The following INMT variants were observed in gnomAD, a reference collection of about 807,000 sequenced individuals.
INMT encodes the protein indolethylamine N-methyltransferase, also known as amine N-methyltransferase.
In INMT, 11 loss-of-function variants were observed where a neutral mutation model predicts 11.5. The observed-to-expected ratio is 0.95, with a 90% confidence interval of 0.60 to 1.58. INMT has a LOEUF of 1.58. Among genes scored for constraint, INMT ranks in the 40% most tolerant of loss-of-function variants. INMT has a pLI of 0.00. For synonymous variants in INMT, 155 were observed against 142.9 expected (o/e 1.08, Z -0.60); for missense variants, 316 against 336.1 (o/e 0.94, Z 0.47).
chr7:30,755,779 G>C lies in INMT; in HGVS notation c.720G>C (p.Gln240His), dbSNP rs1355183880. 6 of 1,614,186 alleles carry C rather than the reference G, an allele frequency of 3.7e-6. No individual in the cohort carries two copies. The highest frequency in any genetic ancestry group is 4.5e-5 in the East Asian group (2 of 44,882). The change falls in exon 3 of 3, where the codon CAG becomes CAC. Residue 240 changes from glutamine to histidine, a missense_variant. Gln to His is a conservative substitution (Grantham distance 24). Coordinates refer to ENST00000013222, the MANE Select transcript of INMT (RefSeq NM_006774.5). ...FDIEQLLHSP[Q>H]SYSVTNAANN... ...TTGAACAGCTCCTACACAGTCCCCA[G>C]AGCTACTCTGTCACCAATGCTGCCA...
At position 30,755,451 on chromosome 7, in the gene INMT, T is replaced by C. The variant is rs1418882731; in HGVS notation, c.392T>C (p.Leu131Pro). Residue 131 changes from leucine to proline, a missense_variant, in exon 3 of 3, where the codon CTG becomes CCG. Physicochemically the swap from Leu to Pro is moderately conservative, Grantham distance 98 (BLOSUM62 -3). Transcript: ENST00000013222. The part of the protein sequence containing the change: ...SGRWEEKEEK[L>P]RAAVKRVLKC... ...CGATGGGAGGAGAAGGAGGAGAAGCTGCGGGCAGCGGTGAAGCGGGTGCTC... is the reference window on the plus strand; with the variant it reads ...CGATGGGAGGAGAAGGAGGAGAAGCCGCGGGCAGCGGTGAAGCGGGTGCTC... 1 of 1,599,196 alleles carries C rather than the reference T, an allele frequency of 6.3e-7. No individual in the cohort carries two copies. The highest frequency in any genetic ancestry group is 8.5e-7 in the Non-Finnish European group (1 of 1,179,550).
chr7:30,753,703 A>G (rs768725660), intron 1 of INMT, 28 bp from the exon 2 acceptor site: 13 of 1,602,700 alleles, frequency 8.1e-6, no homozygotes, highest in East Asian at 4.5e-5. Flanking sequence ...TCTTTTACCC[A>G]TCCATTACCA....
At position 30,754,238 on chromosome 7, in the gene INMT, CT is replaced by C. The variant is rs1786166547; in HGVS notation, c.362+301del. On this transcript the variant is annotated intron_variant, in intron 2 of 2. Transcript: ENST00000013222. The surrounding 1 kb of genome is among the most constrained non-coding windows in gnomAD (Gnocchi z 4.9). ...TCCTTCCTTACCCTCATCTATATAT[CT>C]ACCTCTCTATCTTCTATGTATCTAA... is the stretch of plus-strand genomic sequence containing the variant. Among the ~76,000 whole-genome samples the C allele has an allele frequency of 1.3e-5, 2 of 152,148 alleles. No homozygotes were observed. The highest frequency in any genetic ancestry group is 4.8e-5 in the African/African-American group (2 of 41,422).
chr7:30,755,653 G>A lies in INMT; in HGVS notation c.594G>A (p.Thr198=), dbSNP rs1398198382. 4.3e-6 allele frequency: 7 copies of A among 1,614,186 alleles called. No individual in the cohort carries two copies. The highest frequency in any genetic ancestry group is 3.3e-5 in the Admixed American group (2 of 60,018). Residue 198 remains threonine, a synonymous_variant, in exon 3 of 3, where the codon ACG becomes ACA. Transcript: ENST00000013222. ...KPGGHLVTTV[T]LRLPSYMVGK... ...GTGGCCACCTGGTGACCACTGTCAC[G>A]CTTCGGCTCCCGTCCTACATGGTGG...
chr7:30,755,402 C>T lies in INMT; in HGVS notation c.363-20C>T. 3.9e-6 allele frequency: 6 copies of T among 1,555,922 alleles called. No homozygotes were observed. The highest frequency in any genetic ancestry group is 1.7e-4 in the Middle Eastern group (1 of 5,964). On this transcript the variant is annotated intron_variant, in intron 2 of 2. Transcript: ENST00000013222. ...TCAGAACCTCAAAGGGCCTCCCCGA[C>T]TCCCTCTCTCTCTCTGCAGCGGCCG...
In INMT at chr7:30,753,841, C is replaced by T. The variant is rs763375449; in HGVS notation, c.265C>T (p.Arg89Cys). 17 of 1,614,062 alleles carry T rather than the reference C, an allele frequency of 1.1e-5. No individual in the cohort carries two copies. Among genetic ancestry groups the T allele is most frequent in the East Asian group, 4.5e-5 (2 of 44,898 alleles). Reference sequence around the variant, plus strand: ...CATCACTCTCTCCGACTTTACCGACCGCAACCGGGAGGAGCTGGAAAAGTG... The same window carrying T: ...CATCACTCTCTCCGACTTTACCGACTGCAACCGGGAGGAGCTGGAAAAGTG... ...QDITLSDFTDRNREELEKWLK... is the reference protein window; with the variant it reads ...QDITLSDFTDCNREELEKWLK... The change falls in exon 2 of 3, where the codon CGC (arginine) becomes TGC (cysteine). Residue 89 changes from arginine to cysteine, a missense_variant. Physicochemically the swap from Arg to Cys is radical, Grantham distance 180. Coordinates refer to ENST00000013222, the MANE Select transcript of INMT (RefSeq NM_006774.5).
chr7:30,755,915 G>A lies in INMT; in HGVS notation c.*64G>A, dbSNP rs370765580. ...GCCTTGGCCATCTGTATGCTAGAGAGGGGTGAGGAATGGATACTGTCTAAC... is the reference window on the plus strand; with the variant it reads ...GCCTTGGCCATCTGTATGCTAGAGAAGGGTGAGGAATGGATACTGTCTAAC... On this transcript the variant is annotated 3_prime_UTR_variant, in exon 3 of 3. Transcript: ENST00000013222. The A allele has an allele frequency of 1.3e-3, 1,935 of 1,536,222 alleles. 22 individuals carry two copies. The highest frequency in any genetic ancestry group is 0.011 in the South Asian group (854 of 81,020).
intron 1 of INMT, 72 bp from the exon 2 acceptor site, chr7:30,753,659 T>C (rs934972268): frequency 2.9e-6 from 4 of 1,376,458 alleles, no homozygotes; most frequent in South Asian, 2.4e-5. Flanking sequence ...CCAGGGTGTG[T>C]GTCCTCATCC....
At chr7:30,753,093 G>C (rs1786127896) in intron 1 of INMT, among the ~76,000 whole-genome samples, 1 of 152,194 alleles carries the variant, frequency 6.6e-6, no homozygotes, top group South Asian at 2.1e-4. Context: ...GGAAGGCCAA[G>C]TGATGGCCCC....
chr7:30,757,361 G>T lies in INMT; in HGVS notation c.*1510G>T. ...GGGCACACTGGCGCCCAGTAAGAGA[G>T]AGAGAGAGCCAAAGCTGTCCGTTTT... On this transcript the variant is annotated 3_prime_UTR_variant, in exon 3 of 3. Transcript: ENST00000013222. 4.1e-6 allele frequency: 1 copy of T among 241,964 alleles called. No individual in the cohort carries two copies. The highest frequency in any genetic ancestry group is 4.9e-5 in the South Asian group (1 of 20,400). The allele number at this position is 241,964 out of a possible 1,614,324, so 15.0% of individuals were successfully genotyped here. A position where few individuals can be genotyped will look rare whatever the true frequency, so the allele number is the denominator to read the frequency against.
chr7:30,752,394 C>A, intron 1 of INMT, 90 bp downstream of exon 1: 1 of 1,116,724 alleles, frequency 9.0e-7, no homozygotes, highest in East Asian at 2.4e-5. Flanking sequence ...AGTCTGGTCT[C>A]CTCTAGGGGT....
At chr7:30,753,706 C>A in intron 1 of INMT, 25 bp from the exon 2 acceptor site, 1 of 1,604,006 alleles carries the variant, frequency 6.2e-7, no homozygotes, top group East Asian at 2.2e-5. Flanking sequence ...TTTACCCATC[C>A]ATTACCAGTC....
rs1225137664 is a variant in INMT at position 30,754,476 on chromosome 7, TC to T, written c.362+540del. Among the ~76,000 whole-genome samples, 3 of 151,278 alleles carry T rather than the reference TC, an allele frequency of 2.0e-5. No individual in the cohort carries two copies. Among genetic ancestry groups the T allele is most frequent in the Admixed American group, 6.6e-5 (1 of 15,206 alleles). On this transcript the variant is annotated intron_variant, in intron 2 of 2. Coordinates refer to ENST00000013222, the MANE Select transcript of INMT (RefSeq NM_006774.5). The surrounding 1 kb of genome is among the most constrained non-coding windows in gnomAD (Gnocchi z 4.9). ...ATCCATCCACCCACCCATCCATTCA[TC>T]CATCCATATCCATCCATCCATCCAT... is the stretch of plus-strand genomic sequence containing the variant.
Position 30,756,116 on chromosome 7 carries a change from A to T in INMT, c.*265A>T. On this transcript the variant is annotated 3_prime_UTR_variant, in exon 3 of 3. Coordinates refer to ENST00000013222, the MANE Select transcript of INMT (RefSeq NM_006774.5). ...TTAGATGCGATCTGACTCCTGTGTG[A>T]CTGTGGAGCACCCAGGGACGTGGTT... 1 of 1,254,270 alleles carries T rather than the reference A, an allele frequency of 8.0e-7. No homozygotes were observed. Among genetic ancestry groups the T allele is most frequent in the Non-Finnish European group, 1.0e-6 (1 of 996,850 alleles). 77.7% of individuals were successfully genotyped at this position (1,254,270 alleles called of 1,614,324 possible). A position where few individuals can be genotyped will look rare whatever the true frequency, so the allele number is the denominator to read the frequency against.
rs984981631 is a variant in INMT, at chr7:30,754,864, C to T, written c.363-558C>T. 4.6e-5 allele frequency among the ~76,000 whole-genome samples: 7 copies of T among 152,340 alleles called. No homozygotes were observed. The highest frequency in any genetic ancestry group is 8.8e-5 in the Non-Finnish European group (6 of 68,036). On this transcript the variant is annotated intron_variant, in intron 2 of 2. Coordinates refer to ENST00000013222, the MANE Select transcript of INMT (RefSeq NM_006774.5). This position sits in a 1 kb window ranked among gnomAD's most constrained non-coding sequence, Gnocchi z 4.9. ...GACTCCTTGCCTCTGCCTTTCCCAA[C>T]CTCGGGTAATCACTAATATGGATTT...
rs1417810542 is a variant in INMT at position 30,754,195 on chromosome 7, ATCTCTTCCTTCT to A, written c.362+269_362+280del. On this transcript the variant is annotated intron_variant, in intron 2 of 2. Coordinates refer to ENST00000013222, the MANE Select transcript of INMT (RefSeq NM_006774.5). The surrounding 1 kb of genome is among the most constrained non-coding windows in gnomAD (Gnocchi z 4.9). The stretch of plus-strand genomic sequence containing the variant: ...GAACACTGAAAACCAGATGATTTTC[ATCTCTTCCTTCT>A]TCTCTTCCTTCCTTACCCTCATCTA... Among the ~76,000 whole-genome samples, 1 of 152,132 alleles carries A rather than the reference ATCTCTTCCTTCT, an allele frequency of 6.6e-6. No homozygotes were observed. Among genetic ancestry groups the A allele is most frequent in the African/African-American group, 2.4e-5 (1 of 41,406 alleles).
At chr7:30,752,933 C>G (rs758854392) in intron 1 of INMT, among the ~76,000 whole-genome samples, 1 of 152,216 alleles carries the variant, frequency 6.6e-6, no homozygotes, top group African/African-American at 2.4e-5. Context: ...GCCGTGTCCT[C>G]ACTTTAGGCA....
intron 1 of INMT, 93 bp from the exon 2 acceptor site, chr7:30,753,638 C>G: frequency 4.2e-6 from 5 of 1,186,120 alleles, no homozygotes; most frequent in Non-Finnish European, 6.2e-6. Context: ...ACGTTTGCCC[C>G]TTGGGTAAGA....
chr7:30,756,657 T>C lies in INMT; in HGVS notation c.*806T>C, dbSNP rs7787251. Reference sequence around the variant, plus strand: ...TCCTGACCTGGTGATCCACCCACCTTGGCCTCCCAAAGTGCTGGGATTACA... The same window carrying C: ...TCCTGACCTGGTGATCCACCCACCTCGGCCTCCCAAAGTGCTGGGATTACA... On this transcript the variant is annotated 3_prime_UTR_variant, in exon 3 of 3. Transcript: ENST00000013222. 135,396 of 152,074 alleles carry C rather than the reference T, an allele frequency of 0.89. 60,393 individuals are homozygous for C. The highest frequency in any genetic ancestry group is 0.92 in the Admixed American group (14,055 of 15,262). 9.4% of individuals were successfully genotyped at this position (152,074 alleles called of 1,614,324 possible). A position where few individuals can be genotyped will look rare whatever the true frequency, so the allele number is the denominator to read the frequency against.
Sources: gnomAD v4.1 joint callset for allele counts (sites outside exome capture counted in the v4.1 genomes callset) on GRCh38, gnomAD v4.1.1 for gene constraint, Gnocchi (gnomAD v3.1) non-coding constraint, MANE v1.5 for transcripts, NCBI Gene and HGNC (gene_info 2026-07-23, HGNC 2026-07-21) for gene names.